The following GRIA3 variants were observed in gnomAD, a reference collection of about 807,000 sequenced individuals.
GRIA3 encodes glutamate receptor 3.
Under a neutral mutation model 63.0 loss-of-function variants are expected in GRIA3, and 3 were observed. The observed-to-expected ratio is 0.05, with a 90% CI of 0.02 to 0.12. The LOEUF (loss-of-function observed/expected upper bound fraction) is 0.12, where lower values mean the gene tolerates loss of function less well. Ranked by LOEUF, GRIA3 falls within the 10% of genes least tolerant of loss-of-function variation. GRIA3 has a pLI of 1.00. For missense variants in GRIA3, 347 were observed against 700.9 expected, an observed-to-expected ratio of 0.50 and a Z score of 5.70; for synonymous variants, 274 against 257.9, an observed-to-expected ratio of 1.06 and a Z score of -0.60.
chrX:123,392,357 T>C lies in GRIA3; in HGVS notation c.751-2611T>C, dbSNP rs2045391536. On this transcript the variant is annotated intron_variant, in intron 5 of 15. Coordinates refer to ENST00000620443, the MANE Select transcript of GRIA3 (RefSeq NM_007325.5). ...CCCCATTGATGGGGTTCCAAGGATG[T>C]GGAAATGCAGGGGCTGTTGGGCCCC... Among the ~76,000 whole-genome samples the C allele has an allele frequency of 3.6e-5, 4 of 111,119 alleles. No homozygotes were observed. In the Admixed American group the frequency reaches 3.8e-4, roughly 11 times the overall value.
At chrX:123,299,595 C>T (rs1008040949) in intron 3 of GRIA3, among the ~76,000 whole-genome samples, 1 of 111,603 alleles carries the variant, frequency 9.0e-6, no homozygotes, top group African/African-American at 3.3e-5. Context: ...TGAGACTTTG[C>T]TGAAGTTGCT....
At chrX:123,200,324 C>T (rs895166022) in intron 2 of GRIA3, among the ~76,000 whole-genome samples, 3 of 109,731 alleles carry the variant, frequency 2.7e-5, no homozygotes, top group Non-Finnish European at 3.8e-5. Context: ...AGAAAAATTA[C>T]CCAGGTAAAT....
At chrX:123,202,644 G>A in intron 2 of GRIA3, 2 of 1,166,544 alleles carry the variant, frequency 1.7e-6, no homozygotes, top group Non-Finnish European at 2.3e-6. Flanking sequence ...AGGTCCTGCT[G>A]AAAGGGACTA....
At chrX:123,447,357 TTCTC>T (rs2045708312) in intron 12 of GRIA3, among the ~76,000 whole-genome samples, 1 of 112,224 alleles carries the variant, frequency 8.9e-6, no homozygotes. Flanking sequence ...GGCTTTCAGT[TTCTC>T]TCTTCTAAGT....
chrX:123,320,780 C>A (rs748047253), intron 3 of GRIA3, among the ~76,000 whole-genome samples: 1 of 111,856 alleles, frequency 8.9e-6, no homozygotes, highest in East Asian at 2.8e-4. Flanking sequence ...ACTTGTGCAA[C>A]CCTCAGAAAG....
At chrX:123,377,285 T>A (rs964497570) in intron 5 of GRIA3, among the ~76,000 whole-genome samples, 12 of 111,755 alleles carry the variant, frequency 1.1e-4, no homozygotes, top group African/African-American at 3.9e-4. Flanking sequence ...TCACTTCTGT[T>A]ATATTACTTT....
chrX:123,223,585 T>C (rs1453731708), intron 2 of GRIA3, among the ~76,000 whole-genome samples: 2 of 112,246 alleles, frequency 1.8e-5, no homozygotes, highest in African/African-American at 6.5e-5. Context: ...AGGCCCTCTT[T>C]CTGAAGAACG....
chrX:123,356,609 A>G (rs1406554099), intron 5 of GRIA3, among the ~76,000 whole-genome samples: 1 of 112,543 alleles, frequency 8.9e-6, no homozygotes, highest in Non-Finnish European at 1.9e-5. Flanking sequence ...AACAAAAGTA[A>G]AATATGTTTT....
At chrX:123,462,365 T>C (rs2045797829) in intron 12 of GRIA3, among the ~76,000 whole-genome samples, 1 of 112,015 alleles carries the variant, frequency 8.9e-6, no homozygotes, top group Non-Finnish European at 1.9e-5. Context: ...GGCCTCTGAT[T>C]ATCCACCTAA....
intron 2 of GRIA3, among the ~76,000 whole-genome samples, chrX:123,187,760 T>C (rs372374273): frequency 8.9e-6 from 1 of 111,919 alleles, no homozygotes; most frequent in Non-Finnish European, 1.9e-5. Flanking sequence ...GTCCTGTTCT[T>C]ATGGTCAAAC....
At chrX:123,279,872 C>G (rs773305466) in intron 3 of GRIA3, among the ~76,000 whole-genome samples, 16 of 111,275 alleles carry the variant, frequency 1.4e-4, no homozygotes, top group Non-Finnish European at 1.5e-4. Context: ...GAAGTACCTC[C>G]CTAAATTACC....
At chrX:123,374,448 A>G (rs372855907) in intron 5 of GRIA3, among the ~76,000 whole-genome samples, 1 of 111,605 alleles carries the variant, frequency 9.0e-6, no homozygotes, top group Non-Finnish European at 1.9e-5. Flanking sequence ...ACCTTGGGCA[A>G]TATGGCCATT....
intron 12 of GRIA3, among the ~76,000 whole-genome samples, chrX:123,460,923 G>A (rs375105102): frequency 9.0e-6 from 1 of 111,554 alleles, no homozygotes; most frequent in East Asian, 2.8e-4. Flanking sequence ...AATCTTAGAA[G>A]GCCTTGATTG....
chrX:123,233,990 C>T (rs2147271796), intron 2 of GRIA3, among the ~76,000 whole-genome samples: 1 of 111,697 alleles, frequency 9.0e-6, no homozygotes, highest in East Asian at 2.8e-4. Context: ...ATAATGGTCC[C>T]TGTTTTATGG....
At chrX:123,322,797 A>C (rs1239875655) in intron 3 of GRIA3, among the ~76,000 whole-genome samples, 9 of 112,125 alleles carry the variant, frequency 8.0e-5, no homozygotes, top group Non-Finnish European at 1.7e-4. Flanking sequence ...GTATTCAGCC[A>C]CGGTTCTGAC....
rs1225846838 is a variant in GRIA3 at position 123,431,116 on chromosome X, A to T, written c.2076+2977A>T. On this transcript the variant is annotated intron_variant, in intron 12 of 15. Transcript: ENST00000620443. ...AGAGGATGAAACAAGATCACATGCA[A>T]CATTTACAAACATAATATGAACTCA... 2.7e-5 allele frequency among the ~76,000 whole-genome samples: 3 copies of T among 111,616 alleles called. No homozygotes were observed. In the East Asian group the frequency reaches 8.4e-4, roughly 31 times the overall value.
chrX:123,293,253 T>C (rs2044666494), intron 3 of GRIA3, among the ~76,000 whole-genome samples: 1 of 110,898 alleles, frequency 9.0e-6, no homozygotes, highest in Non-Finnish European at 1.9e-5. Context: ...TATGTTGGAA[T>C]CAAAAGAGTA....
chrX:123,237,947 T>C (rs1202574836), intron 2 of GRIA3, among the ~76,000 whole-genome samples: 3 of 111,940 alleles, frequency 2.7e-5, no homozygotes, highest in Non-Finnish European at 5.6e-5. Flanking sequence ...TCCGTGTTGC[T>C]GCAAAAGGCT....
At chrX:123,196,007 C>T (rs1927566320) in intron 2 of GRIA3, among the ~76,000 whole-genome samples, 1 of 111,373 alleles carries the variant, frequency 9.0e-6, no homozygotes, top group South Asian at 3.8e-4. Context: ...GGTCAGAATG[C>T]TGGCACAAGG....
Sources: allele counts gnomAD v4.1 joint callset (sites outside exome capture counted in the v4.1 genomes callset), GRCh38; gene constraint gnomAD v4.1.1; transcripts MANE v1.5; gene names NCBI Gene and HGNC (gene_info 2026-07-23, HGNC 2026-07-21).